TOGARAM1: variants seen among roughly 807,000 people sequenced by gnomAD.
TOGARAM1 encodes TOG array regulator of axonemal microtubules protein 1.
In TOGARAM1, 100 loss-of-function variants were observed where a neutral mutation model predicts 166.6. That is an observed-to-expected ratio of 0.60 (90% CI 0.51 to 0.71). The LOEUF (loss-of-function observed/expected upper bound fraction) is 0.71, where lower values mean the gene tolerates loss of function less well. Among genes scored for constraint, TOGARAM1 ranks in the 30% least tolerant of loss-of-function variants. The pLI, the probability that TOGARAM1 is intolerant of heterozygous loss-of-function variation, is 0.00. For synonymous variants in TOGARAM1, 758 were observed against 763.8 expected (o/e 0.99, Z 0.13); for missense variants, 2,029 against 2,102.7 (o/e 0.96, Z 0.69).
intron 10 of TOGARAM1, among the ~76,000 whole-genome samples, chr14:45,031,635 T>C (rs917753257): frequency 6.6e-6 from 1 of 152,324 alleles, no homozygotes; most frequent in Non-Finnish European, 1.5e-5. Flanking sequence ...AGCTAGACTT[T>C]GTTATGACTC....
intron 11 of TOGARAM1, among the ~76,000 whole-genome samples, chr14:45,033,567 C>G (rs1033666183): frequency 3.9e-5 from 6 of 152,156 alleles, no homozygotes; most frequent in Admixed American, 3.3e-4. Flanking sequence ...GGCCCATGAG[C>G]CATAGTTTGC....
At chr14:44,981,338 AT>A (rs1886521291) in intron 1 of TOGARAM1, among the ~76,000 whole-genome samples, 2 of 152,232 alleles carry the variant, frequency 1.3e-5, no homozygotes, top group Admixed American at 1.3e-4. Flanking sequence ...AAATCTTGTT[AT>A]ATAAACCCAT....
At position 44,973,431 on chromosome 14, in the gene TOGARAM1, A is replaced by G. The variant is rs571713401; in HGVS notation, c.2046+8964A>G. ...TTTAATGCTGTCATTCATTTCATTT[A>G]TACATAAACACACAGACACACACAT... On this transcript the variant is annotated intron_variant, in intron 1 of 19. Transcript: ENST00000361462. Among the ~76,000 whole-genome samples, 3 of 152,074 alleles carry G rather than the reference A, an allele frequency of 2.0e-5. No homozygotes were observed. In the South Asian group the frequency reaches 6.2e-4, roughly 32 times the overall value.
chr14:45,000,389 C>T (rs1342082068), intron 3 of TOGARAM1, among the ~76,000 whole-genome samples: 1 of 152,178 alleles, frequency 6.6e-6, no homozygotes, highest in Non-Finnish European at 1.5e-5. Context: ...TCATTCTGCT[C>T]TCTACCTCCA....
At chr14:45,031,090 C>T (rs537900633) in intron 10 of TOGARAM1, among the ~76,000 whole-genome samples, 12 of 152,236 alleles carry the variant, frequency 7.9e-5, no homozygotes, top group South Asian at 2.1e-4. Context: ...TATGCAACAT[C>T]AAGTGAAATC....
chr14:45,059,139 G>A (rs966396147), intron 16 of TOGARAM1, among the ~76,000 whole-genome samples: 24 of 152,040 alleles, frequency 1.6e-4, no homozygotes, highest in African/African-American at 5.5e-4. Context: ...GTGCAGTGGT[G>A]TGATCACATC....
intron 7 of TOGARAM1, among the ~76,000 whole-genome samples, chr14:45,022,083 G>A (rs1006841969): frequency 5.3e-5 from 8 of 151,908 alleles, no homozygotes; most frequent in African/African-American, 7.3e-5. Flanking sequence ...GACCTTCCCC[G>A]AGGATTGTGG....
At chr14:45,005,237 TAA>T in intron 4 of TOGARAM1, among the ~76,000 whole-genome samples, 1 of 152,306 alleles carries the variant, frequency 6.6e-6, no homozygotes, top group African/African-American at 2.4e-5. Context: ...TTATTTGTTA[TAA>T]ACTAAAATAT....
Position 45,027,294 on chromosome 14 carries a change from T to G in TOGARAM1, c.3329-5T>G, listed in dbSNP as rs762157369. On this transcript the variant is annotated splice_polypyrimidine_tract_variant and splice_region_variant and intron_variant, in intron 8 of 19. Transcript: ENST00000361462. ...AATGACTATTTGGTGGTTGGTTGAT[T>G]TCAGGCGTATTTGGAAGTTTAAGTT... 6.2e-7 allele frequency: 1 copy of G among 1,612,512 alleles called. No homozygotes were observed. The highest frequency in any genetic ancestry group is 1.7e-5 in the Admixed American group (1 of 59,620).
At chr14:45,013,942 G>T (rs539955798) in intron 7 of TOGARAM1, among the ~76,000 whole-genome samples, 1 of 151,928 alleles carries the variant, frequency 6.6e-6, no homozygotes, top group Non-Finnish European at 1.5e-5. Context: ...GACCCTAGTC[G>T]TGTGACCTTG....
chr14:45,039,609 C>T (rs1346254208), intron 11 of TOGARAM1, among the ~76,000 whole-genome samples: 2 of 152,200 alleles, frequency 1.3e-5, no homozygotes, highest in Admixed American at 6.5e-5. Context: ...AGTGTGTGCA[C>T]ACCCGGCTAG....
At chr14:45,052,204 A>G (rs1222918110) in intron 14 of TOGARAM1, among the ~76,000 whole-genome samples, 2 of 152,210 alleles carry the variant, frequency 1.3e-5, no homozygotes, top group East Asian at 1.9e-4. Flanking sequence ...CTTTCACACT[A>G]TTATAAAGTT....
At chr14:45,060,219 T>G in intron 16 of TOGARAM1, among the ~76,000 whole-genome samples, 1 of 143,230 alleles carries the variant, frequency 7.0e-6, no homozygotes, top group Non-Finnish European at 1.5e-5. Context: ...CACCCGGCCT[T>G]TTTTTTTTTT....
rs1176355748 is a variant in TOGARAM1 at position 45,046,527 on chromosome 14, G to T, written c.4155-18G>T. On this transcript the variant is annotated intron_variant, in intron 13 of 19. Coordinates refer to ENST00000361462, the MANE Select transcript of TOGARAM1 (RefSeq NM_001308120.2). ...TTTATATAACAACTCTGTTTTAATT[G>T]ATCATGTCTCCTTGTAGCCATTTAC... is the stretch of plus-strand genomic sequence containing the variant. 4 of 1,273,780 alleles carry T rather than the reference G, an allele frequency of 3.1e-6. No homozygotes were observed. Among genetic ancestry groups the T allele is most frequent in the Admixed American group, 8.0e-5 (2 of 25,104 alleles). The allele number at this position is 1,273,780 out of a possible 1,614,324, so 78.9% of individuals were successfully genotyped here.
chr14:44,969,438 T>C (rs1885762654), intron 1 of TOGARAM1, among the ~76,000 whole-genome samples: 1 of 152,104 alleles, frequency 6.6e-6, no homozygotes, highest in South Asian at 2.1e-4. Context: ...AGGTGCAAGC[T>C]ACCACGCCTG....
chr14:44,975,246 C>T (rs1886115180), intron 1 of TOGARAM1, among the ~76,000 whole-genome samples: 1 of 152,058 alleles, frequency 6.6e-6, no homozygotes, highest in Non-Finnish European at 1.5e-5. Flanking sequence ...AATGGATGCC[C>T]CCCCACCAGG....
intron 3 of TOGARAM1, among the ~76,000 whole-genome samples, chr14:45,003,628 A>C (rs1007905735): frequency 2.0e-5 from 3 of 152,180 alleles, no homozygotes; most frequent in Non-Finnish European, 4.4e-5. Context: ...CACTAGGCAA[A>C]TGTTCAGAGA....
At chr14:45,048,056 A>T (rs1280557459) in intron 14 of TOGARAM1, among the ~76,000 whole-genome samples, 1 of 109,428 alleles carries the variant, frequency 9.1e-6, no homozygotes, top group Non-Finnish European at 1.8e-5. Flanking sequence ...ACTCCATCTC[A>T]AAAAAAAAAA....
At chr14:44,994,606 A>G (rs1353287352) in intron 1 of TOGARAM1, among the ~76,000 whole-genome samples, 2 of 152,086 alleles carry the variant, frequency 1.3e-5, no homozygotes, top group African/African-American at 2.4e-5. Context: ...TTTTGTAGAG[A>G]TGGGATTTCA....
Sources: gnomAD v4.1 joint callset for allele counts (sites outside exome capture counted in the v4.1 genomes callset) on GRCh38, gnomAD v4.1.1 for gene constraint, MANE v1.5 for transcripts, NCBI Gene and HGNC (gene_info 2026-07-23, HGNC 2026-07-21) for gene names.